ELAVL1: variants seen among roughly 807,000 people sequenced by gnomAD.
ELAVL1 encodes ELAV-like protein 1.
A neutral mutation model predicts 28.4 loss-of-function variants in ELAVL1; 1 was observed. The ratio of observed to expected loss-of-function variants is 0.04; its 90% CI spans 0.01 to 0.17. ELAVL1 has a LOEUF of 0.17. ELAVL1 is among the 10% of genes least tolerant of loss of function. ELAVL1 has a pLI of 1.00. For synonymous variants in ELAVL1, 174 were observed against 183.5 expected (o/e 0.95, Z 0.42); for missense variants, 157 against 447.2 (o/e 0.35, Z 5.85).
intron 5 of ELAVL1, among the ~76,000 whole-genome samples, chr19:7,966,359 T>A (rs1349827069): frequency 6.6e-6 from 1 of 152,088 alleles, no homozygotes; most frequent in Non-Finnish European, 1.5e-5. Context: ...ATCGCCTCTA[T>A]CCCACTTCAT....
At chr19:7,985,869 G>A (rs766621974) in intron 2 of ELAVL1, among the ~76,000 whole-genome samples, 1 of 152,218 alleles carries the variant, frequency 6.6e-6, no homozygotes, top group Admixed American at 6.5e-5. Context: ...CTGGCCACAA[G>A]GCAGGGTCTG....
At chr19:8,004,602 A>C (rs1434205308) in intron 1 of ELAVL1, among the ~76,000 whole-genome samples, 1 of 152,096 alleles carries the variant, frequency 6.6e-6, no homozygotes, top group African/African-American at 2.4e-5. Flanking sequence ...TCTGACCCCA[A>C]ACATCAGTAG....
At position 7,990,140 on chromosome 19, in the gene ELAVL1, G is replaced by A. The variant is rs145726456; in HGVS notation, c.172+1504C>T. Among the ~76,000 whole-genome samples the A allele has an allele frequency of 3.2e-4, 48 of 151,962 alleles. 1 individual carries two copies. The highest frequency in any genetic ancestry group is 1.1e-3 in the African/African-American group (45 of 41,430). On this transcript the variant is annotated intron_variant, in intron 2 of 5. Transcript: ENST00000407627. ...CAGGTTCAAGTGATTCTCCTGCCTC[G>A]GCCTCTTGAGTAGCTGGGATTATAG...
intron 4 of ELAVL1, among the ~76,000 whole-genome samples, chr19:7,969,061 A>G (rs1325980050): frequency 6.6e-6 from 1 of 152,048 alleles, no homozygotes; most frequent in East Asian, 1.9e-4. Context: ...CAACCCAAAC[A>G]CCCTGGTTCT....
chr19:7,971,449 C>T (rs893149014), intron 4 of ELAVL1, among the ~76,000 whole-genome samples: 6 of 152,242 alleles, frequency 3.9e-5, no homozygotes, highest in Admixed American at 6.5e-5. Context: ...GGGCCCTGCA[C>T]AGCCAGCTCA....
chr19:7,965,440 A>C (rs961511661), intron 5 of ELAVL1, among the ~76,000 whole-genome samples: 1 of 152,020 alleles, frequency 6.6e-6, no homozygotes, highest in African/African-American at 2.4e-5. Flanking sequence ...GACAGTCATA[A>C]ATCTTCTCCT....
chr19:7,991,541 G>T, intron 2 of ELAVL1, 103 bp downstream of exon 2: 1 of 1,176,040 alleles, frequency 8.5e-7, no homozygotes. Context: ...CAAGGCTGTA[G>T]TTATCCTGCA....
chr19:8,004,507 G>A (rs2145234394), intron 1 of ELAVL1, among the ~76,000 whole-genome samples: 1 of 152,230 alleles, frequency 6.6e-6, no homozygotes, highest in South Asian at 2.1e-4. Flanking sequence ...GATACTGCTG[G>A]CATCTAGTGG....
chr19:7,970,698 A>T (rs529984365), intron 4 of ELAVL1, among the ~76,000 whole-genome samples: 1 of 152,278 alleles, frequency 6.6e-6, no homozygotes, highest in African/African-American at 2.4e-5. Flanking sequence ...CAAAAAATTA[A>T]GCTCTGTCAG....
In ELAVL1 at chr19:7,960,374, G is replaced by A. The variant is rs1599660776; in HGVS notation, c.*3109C>T. On this transcript the variant is annotated 3_prime_UTR_variant, in exon 6 of 6. Transcript: ENST00000407627. The stretch of plus-strand genomic sequence containing the variant: ...GGAACCCACCCAGCACCACCTGCGG[G>A]CGGGCCCCCGAGGAAGCCCATGAAT... 2 of 152,326 alleles carry A rather than the reference G, an allele frequency of 1.3e-5. No individual in the cohort carries two copies. The highest frequency in any genetic ancestry group is 3.9e-4 in the East Asian group (2 of 5,176). The allele number at this position is 152,326 out of a possible 1,614,324, so 9.4% of individuals were successfully genotyped here.
At position 7,982,529 on chromosome 19, in the gene ELAVL1, A is replaced by T. The variant is rs1479074836; in HGVS notation, c.173-1343T>A. 6.6e-6 allele frequency among the ~76,000 whole-genome samples: 1 copy of T among 152,214 alleles called. No individual in the cohort carries two copies. The highest frequency in any genetic ancestry group is 1.5e-5 in the Non-Finnish European group (1 of 68,034). ...GTTTGCCACTTTCTTTTTAAAATGA[A>T]TTTTATTTTTCAGAACAGTTTTAGG... is the stretch of plus-strand genomic sequence containing the variant. On this transcript the variant is annotated intron_variant, in intron 2 of 5. Transcript: ENST00000407627. This position sits in a 1 kb window ranked among gnomAD's most constrained non-coding sequence, Gnocchi z 4.3.
At chr19:7,989,784 C>T (rs909187668) in intron 2 of ELAVL1, among the ~76,000 whole-genome samples, 1 of 152,148 alleles carries the variant, frequency 6.6e-6, no homozygotes, top group Non-Finnish European at 1.5e-5. Context: ...ATTGAGAAGG[C>T]GTTTATTAAA....
intron 4 of ELAVL1, among the ~76,000 whole-genome samples, chr19:7,968,184 G>A (rs182264733): frequency 2.0e-5 from 3 of 152,318 alleles, no homozygotes; most frequent in African/African-American, 7.2e-5. Flanking sequence ...TGGTTGGTGG[G>A]TAACAGGGTT....
At chr19:7,995,327 G>A (rs913299862) in intron 1 of ELAVL1, among the ~76,000 whole-genome samples, 8 of 151,472 alleles carry the variant, frequency 5.3e-5, no homozygotes, top group Admixed American at 2.6e-4. Context: ...CCTTCTCCTC[G>A]CCCTTTCTCT....
At chr19:7,984,624 G>T (rs975972605) in intron 2 of ELAVL1, among the ~76,000 whole-genome samples, 4 of 152,306 alleles carry the variant, frequency 2.6e-5, no homozygotes, top group African/African-American at 7.2e-5. Context: ...GACAGGTAGT[G>T]GGGGCAGGCC....
chr19:7,991,835 C>A lies in ELAVL1; in HGVS notation c.-16-4G>T. The A allele has an allele frequency of 6.3e-7, 1 of 1,575,082 alleles. No individual in the cohort carries two copies. The highest frequency in any genetic ancestry group is 8.6e-7 in the Non-Finnish European group (1 of 1,157,074). ...AGACATTGTATTTTTCAAAAATCTG[C>A]CAAGAGAAAAAGAGCAAGTAAATTC... On this transcript the variant is annotated splice_region_variant and splice_polypyrimidine_tract_variant and intron_variant, in intron 1 of 5. Coordinates refer to ENST00000407627, the MANE Select transcript of ELAVL1 (RefSeq NM_001419.3).
intron 4 of ELAVL1, among the ~76,000 whole-genome samples, chr19:7,970,397 C>CG (rs1985074628): frequency 6.6e-6 from 1 of 152,302 alleles, no homozygotes; most frequent in African/African-American, 2.4e-5. Flanking sequence ...CCTCGTGATC[C>CG]GCCCACCTTG....
intron 4 of ELAVL1, among the ~76,000 whole-genome samples, chr19:7,970,004 G>A (rs565116245): frequency 2.6e-5 from 4 of 151,480 alleles, no homozygotes; most frequent in Non-Finnish European, 2.9e-5. Flanking sequence ...ATGGAGTCTC[G>A]CTCTGTCGCC....
chr19:8,005,093 C>T (rs1451465819), intron 1 of ELAVL1, among the ~76,000 whole-genome samples: 2 of 152,158 alleles, frequency 1.3e-5, no homozygotes, highest in Non-Finnish European at 2.9e-5. Context: ...GTGGGATTTC[C>T]CGGGGGAGCA....
Sources: allele counts gnomAD v4.1 joint callset (sites outside exome capture counted in the v4.1 genomes callset), GRCh38; gene constraint gnomAD v4.1.1; non-coding constraint Gnocchi (gnomAD v3.1); transcripts MANE v1.5; gene names NCBI Gene and HGNC (gene_info 2026-07-23, HGNC 2026-07-21).